Variants in RCAN2 observed in about 807,000 individuals in gnomAD.
The protein encoded by RCAN2 is calcipressin-2.
In RCAN2, 9 loss-of-function variants were observed where a neutral mutation model predicts 23.6. That is an observed-to-expected ratio of 0.38 (90% CI 0.23 to 0.67). The LOEUF (loss-of-function observed/expected upper bound fraction) is 0.67. Ranked by LOEUF, RCAN2 falls within the 30% of genes least tolerant of loss-of-function variation. RCAN2 has a pLI of 0.51. For synonymous variants in RCAN2, 109 were observed against 115.7 expected (o/e 0.94, Z 0.37); for missense variants, 273 against 302.3 (o/e 0.90, Z 0.72).
chr6:46,465,225 G>A (rs544823043), intron 1 of RCAN2, among the ~76,000 whole-genome samples: 18 of 152,292 alleles, frequency 1.2e-4, no homozygotes, highest in Admixed American at 2.6e-4. Context: ...TGACAAAGTT[G>A]TTCTTAAAGA....
At position 46,247,820 on chromosome 6, in the gene RCAN2, C is replaced by CAT. The variant is rs1378628918; in HGVS notation, c.399+901_399+902dup. 7.2e-5 allele frequency among the ~76,000 whole-genome samples: 11 copies of CAT among 152,240 alleles called. No individual in the cohort carries two copies. In the East Asian group the frequency reaches 1.5e-3, roughly 21 times the overall value. On this transcript the variant is annotated intron_variant, in intron 3 of 4. Transcript: ENST00000371374. ...TAGTGCTGTTGTGAACGTGTGTGTA[C>CAT]ATGTATTTTTTTGAGTACCTGTTTT...
intron 2 of RCAN2, among the ~76,000 whole-genome samples, chr6:46,289,677 T>C (rs1167297623): frequency 6.6e-6 from 1 of 152,104 alleles, no homozygotes; most frequent in Non-Finnish European, 1.5e-5. Flanking sequence ...AATTTGCAAA[T>C]AAAAATAAAA....
chr6:46,489,063 A>AT (rs1419161148), intron 1 of RCAN2, among the ~76,000 whole-genome samples: 43 of 152,274 alleles, frequency 2.8e-4, no homozygotes, highest in African/African-American at 1.0e-3. Context: ...GCTTCAGTGA[A>AT]ACCTTTCTAA....
chr6:46,427,031 G>T (rs1428726796), intron 2 of RCAN2, among the ~76,000 whole-genome samples: 1 of 152,118 alleles, frequency 6.6e-6, no homozygotes, highest in Non-Finnish European at 1.5e-5. Context: ...TAGGGTCATT[G>T]GGAATAATAT....
rs137858061 is a variant in RCAN2 at position 46,410,011 on chromosome 6, T to TTC, written c.225+46739_225+46740dup. 3.9e-3 allele frequency among the ~76,000 whole-genome samples: 589 copies of TTC among 151,116 alleles called. 5 individuals carry two copies. Among genetic ancestry groups the TTC allele is most frequent in the African/African-American group, 0.013 (545 of 41,252 alleles). The stretch of plus-strand genomic sequence containing the variant: ...AAGGCAAAGGAAAGGTGATTTTGTT[T>TTC]TCTCTCTCTCTCTCTCTCCTGGAGC... On this transcript the variant is annotated intron_variant, in intron 2 of 4. Transcript: ENST00000371374.
Position 46,262,443 on chromosome 6 carries a change from TA to T in RCAN2, c.226-13548del, listed in dbSNP as rs1478294354. Among the ~76,000 whole-genome samples the T allele has an allele frequency of 7.6e-4, 116 of 152,186 alleles. 1 individual carries two copies. The highest frequency in any genetic ancestry group is 2.6e-3 in the African/African-American group (106 of 41,530). On this transcript the variant is annotated intron_variant, in intron 2 of 4. Transcript: ENST00000371374. ...AAAATCAACCTTGGAAGCCTGCTGC[TA>T]GAGAGGTCTTTCTAAAAGAGAAAAT...
In RCAN2 at chr6:46,302,270, T is replaced by A. The variant is rs545258834; in HGVS notation, c.226-53374A>T. Among the ~76,000 whole-genome samples the A allele has an allele frequency of 2.1e-3, 318 of 152,168 alleles. 2 individuals carry two copies. The highest frequency in any genetic ancestry group is 7.4e-3 in the African/African-American group (308 of 41,548). On this transcript the variant is annotated intron_variant, in intron 2 of 4. Transcript: ENST00000371374. ...GAGAAAATGGCAGGGTGAGCTGACT[T>A]TGGGGGCAGGAGGGAACCTCAGAGT...
At chr6:46,329,620 C>A (rs1269241485) in intron 2 of RCAN2, among the ~76,000 whole-genome samples, 3 of 152,012 alleles carry the variant, frequency 2.0e-5, no homozygotes, top group African/African-American at 7.2e-5. Context: ...CCAGGAGTTG[C>A]AGGGAGGCTT....
intron 2 of RCAN2, among the ~76,000 whole-genome samples, chr6:46,411,343 G>C (rs1000913802): frequency 6.6e-6 from 1 of 152,170 alleles, no homozygotes; most frequent in Non-Finnish European, 1.5e-5. Flanking sequence ...AGGATGGGGA[G>C]CTATTGTTCA....
intron 1 of RCAN2, among the ~76,000 whole-genome samples, chr6:46,485,623 C>A (rs1410119640): frequency 6.6e-6 from 1 of 152,172 alleles, no homozygotes; most frequent in Non-Finnish European, 1.5e-5. Context: ...TGAGCAGACT[C>A]CATGTTCTGC....
At chr6:46,299,486 G>GT (rs1762835160) in intron 2 of RCAN2, among the ~76,000 whole-genome samples, 1 of 152,010 alleles carries the variant, frequency 6.6e-6, no homozygotes, top group Admixed American at 6.6e-5. Context: ...ACATGGGATT[G>GT]TTTGAGTGTG....
At chr6:46,436,170 G>A (rs1275098637) in intron 2 of RCAN2, among the ~76,000 whole-genome samples, 1 of 152,186 alleles carries the variant, frequency 6.6e-6, no homozygotes, top group Non-Finnish European at 1.5e-5. Context: ...TTGCTCTTTG[G>A]TGCGTTATGC....
chr6:46,246,859 G>GTT lies in RCAN2; in HGVS notation c.458_459dup (p.Gln154AsnfsTer36). ...GAGGAAGGGGGCGAGATGAGAAACT[G>GTT]TTTGGCAGGCTGGGGTGGAGCCAAG... is the stretch of plus-strand genomic sequence containing the variant. On this transcript the variant is annotated frameshift_variant, in exon 4 of 5. Coordinates refer to ENST00000371374, the MANE Select transcript of RCAN2 (RefSeq NM_001251974.2). LOFTEE classifies it high-confidence loss of function. The GTT allele has an allele frequency of 6.2e-7, 1 of 1,611,256 alleles. No individual in the cohort carries two copies. Among genetic ancestry groups the GTT allele is most frequent in the Non-Finnish European group, 8.5e-7 (1 of 1,178,506 alleles).
chr6:46,297,983 C>T (rs559178677), intron 2 of RCAN2, among the ~76,000 whole-genome samples: 1 of 152,218 alleles, frequency 6.6e-6, no homozygotes, highest in African/African-American at 2.4e-5. Flanking sequence ...ACAAATTTCA[C>T]ATGCTTAATA....
At chr6:46,352,441 C>G (rs1764684800) in intron 2 of RCAN2, among the ~76,000 whole-genome samples, 1 of 152,130 alleles carries the variant, frequency 6.6e-6, no homozygotes, top group African/African-American at 2.4e-5. Context: ...GTTTTGGGGC[C>G]TGAGACCAGA....
At chr6:46,277,593 T>C (rs1767758087) in intron 2 of RCAN2, among the ~76,000 whole-genome samples, 1 of 151,632 alleles carries the variant, frequency 6.6e-6, no homozygotes, top group Non-Finnish European at 1.5e-5. Flanking sequence ...TTAAAACTTT[T>C]TTTTTTTATA....
intron 2 of RCAN2, among the ~76,000 whole-genome samples, chr6:46,388,322 G>A (rs1008231739): frequency 2.0e-5 from 3 of 152,026 alleles, no homozygotes; most frequent in African/African-American, 7.2e-5. Flanking sequence ...GCGAGGCTGT[G>A]GTGAAATATG....
intron 2 of RCAN2, among the ~76,000 whole-genome samples, chr6:46,305,803 C>T (rs532154224): frequency 3.3e-5 from 5 of 152,060 alleles, no homozygotes; most frequent in African/African-American, 1.2e-4. Flanking sequence ...AAGCACTGAA[C>T]TTAGTTAAAC....
intron 2 of RCAN2, among the ~76,000 whole-genome samples, chr6:46,283,827 C>A (rs571548980): frequency 6.6e-6 from 1 of 152,296 alleles, no homozygotes; most frequent in South Asian, 2.1e-4. Context: ...ACTCATCACA[C>A]TGATTTAAAA....
Sources: gnomAD v4.1 joint callset for allele counts (sites outside exome capture counted in the v4.1 genomes callset) on GRCh38, gnomAD v4.1.1 for gene constraint, MANE v1.5 for transcripts, NCBI Gene and HGNC (gene_info 2026-07-23, HGNC 2026-07-21) for gene names.